NUP37: variants seen among roughly 807,000 people sequenced by gnomAD.
NUP37 encodes the protein nucleoporin 37.
Under a neutral mutation model 45.4 loss-of-function variants are expected in NUP37, and 33 were observed. The observed-to-expected ratio is 0.73, with a 90% CI of 0.55 to 0.97. NUP37 has a LOEUF of 0.97. Ranked by LOEUF, NUP37 falls within the 50% of genes least tolerant of loss-of-function variation. The probability of loss-of-function intolerance (pLI) is 0.00; values close to 1 mark genes in which losing one functional copy is unlikely to be tolerated. For missense variants in NUP37, 365 were observed against 389.7 expected (o/e 0.94, Z 0.53); for synonymous variants, 127 against 130.7 (o/e 0.97, Z 0.19).
At chr12:102,078,360 A>C (rs1879240435) in intron 6 of NUP37, among the ~76,000 whole-genome samples, 1 of 152,164 alleles carries the variant, frequency 6.6e-6, no homozygotes, top group Non-Finnish European at 1.5e-5. Context: ...GATTTGGTAG[A>C]ATTTTAAGTG....
chr12:102,113,433 A>G (rs1238385262), intron 2 of NUP37, among the ~76,000 whole-genome samples: 1 of 152,260 alleles, frequency 6.6e-6, no homozygotes, highest in Non-Finnish European at 1.5e-5. Context: ...CAGCAGGTAT[A>G]CAGGGATCCA....
chr12:102,093,914 G>A (rs1389806147), intron 5 of NUP37, among the ~76,000 whole-genome samples: 1 of 152,010 alleles, frequency 6.6e-6, no homozygotes. Context: ...ATCTACAAGG[G>A]CATACAGAAA....
chr12:102,076,649 A>C lies in NUP37; in HGVS notation c.773+148T>G. 4.9e-6 allele frequency: 3 copies of C among 611,908 alleles called. No homozygotes were observed. In the South Asian group the frequency reaches 6.4e-5, roughly 13 times the overall value. 37.9% of individuals were successfully genotyped at this position (611,908 alleles called of 1,614,324 possible). On this transcript the variant is annotated intron_variant, in intron 8 of 9. Transcript: ENST00000552283. ...TCTAGACCAAAAGACAAAGGCAATG[A>C]CTTAGTCGGGAAAGTAAAATAACCA...
At chr12:102,102,013 C>G (rs974332212) in intron 3 of NUP37, among the ~76,000 whole-genome samples, 2 of 152,212 alleles carry the variant, frequency 1.3e-5, no homozygotes, top group Non-Finnish European at 2.9e-5. Context: ...GCATGAGCCA[C>G]TGCGCCTGGC....
intron 2 of NUP37, chr12:102,115,852 G>C (rs991635570): frequency 1.0e-6 from 1 of 966,596 alleles, no homozygotes; most frequent in South Asian, 4.8e-5. Flanking sequence ...GGGTGCAATG[G>C]AACTTGAAGG....
At chr12:102,101,819 G>C (rs1404633014) in intron 3 of NUP37, among the ~76,000 whole-genome samples, 1 of 152,122 alleles carries the variant, frequency 6.6e-6, no homozygotes, top group East Asian at 1.9e-4. Flanking sequence ...CCACCTCCCA[G>C]GTTCAAACGA....
chr12:102,097,083 G>A (rs895217408), intron 5 of NUP37, among the ~76,000 whole-genome samples: 8 of 152,100 alleles, frequency 5.3e-5, no homozygotes, highest in Non-Finnish European at 1.0e-4. Context: ...TCTGGGATCA[G>A]TAGCTATCTA....
chr12:102,109,279 T>C (rs763182989), intron 3 of NUP37, among the ~76,000 whole-genome samples: 2 of 152,188 alleles, frequency 1.3e-5, no homozygotes, highest in Non-Finnish European at 2.9e-5. Context: ...GGCAACTACA[T>C]GCTAATGATA....
At position 102,119,392 on chromosome 12, in the gene NUP37, A is replaced by C. The variant is rs139915870; in HGVS notation, c.-66+658T>G. The C allele has an allele frequency of 1.3e-3, 204 of 152,316 alleles. 3 individuals are homozygous for C. Among genetic ancestry groups the C allele is most frequent in the African/African-American group, 4.6e-3 (191 of 41,566 alleles). 9.4% of individuals were successfully genotyped at this position (152,316 alleles called of 1,614,324 possible). On this transcript the variant is annotated intron_variant, in intron 1 of 9. Transcript: ENST00000552283. Reference sequence around the variant, plus strand: ...TGTAATAAACCTGCACGTCCCGCACACGTATCCCGGAACTTAAAAATTAAA... The same window carrying C: ...TGTAATAAACCTGCACGTCCCGCACCCGTATCCCGGAACTTAAAAATTAAA...
chr12:102,078,598 A>T (rs570340859), intron 6 of NUP37, among the ~76,000 whole-genome samples: 1 of 152,240 alleles, frequency 6.6e-6, no homozygotes, highest in Non-Finnish European at 1.5e-5. Flanking sequence ...TCCTTCACTT[A>T]TAAGCTGAGT....
At chr12:102,104,080 G>A (rs1391899301) in intron 3 of NUP37, among the ~76,000 whole-genome samples, 1 of 152,092 alleles carries the variant, frequency 6.6e-6, no homozygotes, top group Non-Finnish European at 1.5e-5. Context: ...GCTACATACT[G>A]ACCAACAGTA....
chr12:102,103,388 GTTCA>G (rs1474532241), intron 3 of NUP37, among the ~76,000 whole-genome samples: 2 of 152,058 alleles, frequency 1.3e-5, no homozygotes, highest in East Asian at 1.9e-4. Flanking sequence ...TTTTCAGATA[GTTCA>G]TTGTTAGTAT....
At chr12:102,110,715 G>A (rs73185929) in intron 3 of NUP37, among the ~76,000 whole-genome samples, 6,328 of 151,972 alleles carry the variant, frequency 0.042, 197 homozygotes, top group African/African-American at 0.08. Flanking sequence ...GATGATGGGC[G>A]CCTATAGTCC....
intron 6 of NUP37, chr12:102,079,058 C>T: frequency 2.6e-6 from 1 of 379,176 alleles, no homozygotes; most frequent in Non-Finnish European, 5.2e-6. Context: ...AAAGTCCTTA[C>T]TTTTAAGCAG....
At chr12:102,105,593 G>C (rs955477813) in intron 3 of NUP37, among the ~76,000 whole-genome samples, 1 of 151,992 alleles carries the variant, frequency 6.6e-6, no homozygotes, top group Non-Finnish European at 1.5e-5. Context: ...GCCAGGCACA[G>C]TGGCTCCCGC....
chr12:102,079,281 C>A (rs181025100), intron 6 of NUP37: 32 of 454,482 alleles, frequency 7.0e-5, no homozygotes, highest in Non-Finnish European at 1.1e-4. Context: ...TGTGACTGTT[C>A]TTTAAGAACG....
intron 6 of NUP37, among the ~76,000 whole-genome samples, chr12:102,081,715 ATT>A (rs879750457): frequency 1.4e-5 from 2 of 145,582 alleles, no homozygotes; most frequent in Non-Finnish European, 1.5e-5. Context: ...TCATTTAGCT[ATT>A]TTTTTTTTTT....
intron 5 of NUP37, among the ~76,000 whole-genome samples, chr12:102,088,145 G>GGCT (rs1879525090): frequency 6.6e-6 from 1 of 152,032 alleles, no homozygotes; most frequent in South Asian, 2.1e-4. Context: ...CAACAAATTG[G>GGCT]GCTGAAACTA....
At chr12:102,076,984 C>T (rs1385385729) in intron 7 of NUP37, 137 bp from the exon 8 acceptor site, 1 of 654,136 alleles carries the variant, frequency 1.5e-6, no homozygotes, top group African/African-American at 1.8e-5. Flanking sequence ...AACAAGCAAT[C>T]AGTTAAAACA....
Sources: allele counts gnomAD v4.1 joint callset (sites outside exome capture counted in the v4.1 genomes callset), GRCh38; gene constraint gnomAD v4.1.1; transcripts MANE v1.5; gene names NCBI Gene and HGNC (gene_info 2026-07-23, HGNC 2026-07-21).